The following GRIA1 variants were observed in gnomAD, a reference collection of about 807,000 sequenced individuals.
The protein encoded by GRIA1 is glutamate receptor 1.
Under a neutral mutation model 99.2 loss-of-function variants are expected in GRIA1, and 31 were observed. The ratio of observed to expected loss-of-function variants is 0.31; its 90% CI spans 0.23 to 0.42. The LOEUF (loss-of-function observed/expected upper bound fraction) is 0.42. GRIA1 is among the 10% of genes least tolerant of loss of function. The pLI is 1.00. For synonymous variants in GRIA1, 438 were observed against 432.4 expected, an observed-to-expected ratio of 1.01 and a Z score of -0.16; for missense variants, 782 against 1,157.5, an observed-to-expected ratio of 0.68 and a Z score of 4.71.
At chr5:153,649,844 T>C (rs1754425791) in intron 3 of GRIA1, among the ~76,000 whole-genome samples, 1 of 152,210 alleles carries the variant, frequency 6.6e-6, no homozygotes, top group African/African-American at 2.4e-5. Context: ...TTCACAAATT[T>C]GATCAGCAGT....
chr5:153,699,865 A>G (rs1241187648), intron 10 of GRIA1, among the ~76,000 whole-genome samples: 1 of 152,198 alleles, frequency 6.6e-6, no homozygotes, highest in African/African-American at 2.4e-5. Flanking sequence ...TGTTTTAAGC[A>G]TTTGGGGAAT....
intron 11 of GRIA1, among the ~76,000 whole-genome samples, chr5:153,725,890 C>G (rs1198020481): frequency 7.5e-6 from 1 of 134,096 alleles, no homozygotes; most frequent in Non-Finnish European, 1.6e-5. Context: ...CCAAGCGGAC[C>G]TAATAGACAT....
chr5:153,514,335 A>C (rs1455044405), intron 2 of GRIA1, among the ~76,000 whole-genome samples: 7 of 152,238 alleles, frequency 4.6e-5, no homozygotes, highest in Non-Finnish European at 2.9e-5. Context: ...CTTACATTTA[A>C]GTATTTAATT....
intron 2 of GRIA1, among the ~76,000 whole-genome samples, chr5:153,536,876 C>T (rs773661869): frequency 2.6e-5 from 4 of 152,160 alleles, no homozygotes; most frequent in Non-Finnish European, 4.4e-5. Context: ...TGAGACAGGT[C>T]ATCTTTGTGG....
intron 2 of GRIA1, among the ~76,000 whole-genome samples, chr5:153,602,391 G>A (rs1223388942): frequency 6.6e-6 from 1 of 151,210 alleles, no homozygotes; most frequent in Non-Finnish European, 1.5e-5. Flanking sequence ...GGGGTGGGGG[G>A]AGTGGGGAGG....
chr5:153,683,582 T>A (rs563436684), intron 7 of GRIA1, among the ~76,000 whole-genome samples: 3 of 152,316 alleles, frequency 2.0e-5, no homozygotes, highest in African/African-American at 7.2e-5. Context: ...ACTGTGCAGG[T>A]AGGACCCTTG....
chr5:153,570,892 C>T (rs1561651387), intron 2 of GRIA1, among the ~76,000 whole-genome samples: 1 of 152,076 alleles, frequency 6.6e-6, no homozygotes, highest in Non-Finnish European at 1.5e-5. Context: ...CCCTTGTTCA[C>T]TATAGATATT....
rs574132464 is a variant in GRIA1 at position 153,513,007 on chromosome 5, T to C, written c.220+18942T>C. Among the ~76,000 whole-genome samples the C allele has an allele frequency of 7.2e-5, 11 of 152,282 alleles. No homozygotes were observed. The East Asian group carries it at 1.9e-3, about 27-fold the overall frequency. On this transcript the variant is annotated intron_variant, in intron 2 of 15. Transcript: ENST00000285900. The stretch of plus-strand genomic sequence containing the variant: ...AGAACACACAGCAAGATGGCGGCCA[T>C]TGGCAAGTCAGGAAGAGAACCTCAC...
intron 2 of GRIA1, among the ~76,000 whole-genome samples, chr5:153,533,921 A>G (rs566904876): frequency 6.6e-6 from 1 of 152,344 alleles, no homozygotes; most frequent in East Asian, 1.9e-4. Flanking sequence ...TAACTCACCC[A>G]TGGTCACCTA....
In GRIA1 at chr5:153,490,990, G is replaced by C. The variant is rs767402812; in HGVS notation, c.82+20G>C. ...AGATCGGTGAGTGAGGGGGCAGCCT[G>C]GGGAGGGACTTTCTGGGTCTGGCCA... On this transcript the variant is annotated intron_variant, in intron 1 of 15. Coordinates refer to ENST00000285900, the MANE Select transcript of GRIA1 (RefSeq NM_000827.4). 6.2e-7 allele frequency: 1 copy of C among 1,608,510 alleles called. No homozygotes were observed. The highest frequency in any genetic ancestry group is 8.5e-7 in the Non-Finnish European group (1 of 1,174,932).
At chr5:153,646,026 T>G (rs1019857649) in intron 2 of GRIA1, among the ~76,000 whole-genome samples, 2 of 152,178 alleles carry the variant, frequency 1.3e-5, no homozygotes, top group African/African-American at 2.4e-5. Flanking sequence ...CTATATCATA[T>G]AGTAAAACAA....
chr5:153,500,570 TTCTCTCTC>T (rs3064315), intron 2 of GRIA1, among the ~76,000 whole-genome samples: 6 of 129,072 alleles, frequency 4.6e-5, no homozygotes, highest in South Asian at 2.6e-4. Flanking sequence ...CTGCCTCTCT[TTCTCTCTC>T]TCTCTCTCTC....
intron 2 of GRIA1, among the ~76,000 whole-genome samples, chr5:153,541,427 A>T (rs1759080618): frequency 6.6e-6 from 1 of 152,194 alleles, no homozygotes; most frequent in Non-Finnish European, 1.5e-5. Flanking sequence ...ATCCCATTTC[A>T]TTCATGACTA....
chr5:153,674,733 T>C, intron 6 of GRIA1, 72 bp downstream of exon 6: 1 of 1,462,702 alleles, frequency 6.8e-7, no homozygotes, highest in Non-Finnish European at 9.4e-7. Flanking sequence ...CTGAGCTGCA[T>C]TAGTCTTTAC....
intron 2 of GRIA1, 112 bp from the exon 3 acceptor site, chr5:153,646,816 T>G: frequency 8.7e-7 from 1 of 1,143,870 alleles, no homozygotes; most frequent in South Asian, 1.4e-5. Flanking sequence ...TAGATGACAG[T>G]TGGGTGGATA....
intron 11 of GRIA1, among the ~76,000 whole-genome samples, chr5:153,758,217 G>A (rs931805191): frequency 2.2e-4 from 33 of 151,972 alleles, no homozygotes; most frequent in Admixed American, 1.6e-3. Flanking sequence ...TGAATTACCT[G>A]AAATGTAATT....
At chr5:153,778,708 G>A (rs966397650) in intron 13 of GRIA1, among the ~76,000 whole-genome samples, 7 of 150,512 alleles carry the variant, frequency 4.7e-5, no homozygotes, top group Non-Finnish European at 7.4e-5. Context: ...CACACAAATA[G>A]CATTGGTCCT....
chr5:153,742,517 G>A (rs1229798352), intron 11 of GRIA1, among the ~76,000 whole-genome samples: 2 of 152,198 alleles, frequency 1.3e-5, no homozygotes, highest in African/African-American at 4.8e-5. Context: ...AAAGGTGTGA[G>A]CAGGGTGATA....
chr5:153,506,222 G>A (rs1755474688), intron 2 of GRIA1, among the ~76,000 whole-genome samples: 1 of 152,054 alleles, frequency 6.6e-6, no homozygotes, highest in Admixed American at 6.6e-5. Context: ...AGGTATGCTA[G>A]GGCATTCCTA....
Sources: gnomAD v4.1 joint callset for allele counts (sites outside exome capture counted in the v4.1 genomes callset) on GRCh38, gnomAD v4.1.1 for gene constraint, MANE v1.5 for transcripts, NCBI Gene and HGNC (gene_info 2026-07-23, HGNC 2026-07-21) for gene names.